The following DBF4B variants were observed in gnomAD, a reference collection of about 807,000 sequenced individuals.
DBF4B encodes the protein protein DBF4 homolog B.
In DBF4B, 49 loss-of-function variants were observed where a neutral mutation model predicts 53.4. That is an observed-to-expected ratio of 0.92 (90% confidence interval 0.73 to 1.16). The LOEUF is 1.16. Ranked by LOEUF, DBF4B falls within the 50% of genes most tolerant of loss-of-function variation. The pLI, the probability that DBF4B is intolerant of heterozygous loss-of-function variation, is 0.00. For missense variants in DBF4B, 692 were observed against 775.0 expected, an observed-to-expected ratio of 0.89 and a Z score of 1.27; for synonymous variants, 257 against 288.7, an observed-to-expected ratio of 0.89 and a Z score of 1.11.
At chr17:44,709,452 G>A (rs1972668783) in intron 2 of DBF4B, 86 bp downstream of exon 2, 2 of 1,407,306 alleles carry the variant, frequency 1.4e-6, no homozygotes, top group Non-Finnish European at 2.0e-6. Flanking sequence ...CCCCCTGTTG[G>A]AGTTTTCGAT....
intron 2 of DBF4B, among the ~76,000 whole-genome samples, chr17:44,713,034 C>CTTTTTTTTTTTTT (rs979925867): frequency 2.9e-5 from 3 of 103,900 alleles, no homozygotes; most frequent in Non-Finnish European, 5.6e-5. Context: ...TTTGTATTGA[C>CTTTTTTTTTTTTT]TTTTTTTTTT....
At chr17:44,728,121 C>T (rs375265999) in intron 3 of DBF4B, among the ~76,000 whole-genome samples, 2 of 152,096 alleles carry the variant, frequency 1.3e-5, no homozygotes, top group African/African-American at 4.8e-5. Context: ...GCTGGACGGT[C>T]ACCTGGGCTG....
intron 6 of DBF4B, chr17:44,732,962 G>C (rs1007531564): frequency 6.6e-6 from 1 of 151,768 alleles, no homozygotes; most frequent in Non-Finnish European, 1.5e-5. Flanking sequence ...TCAGGATATC[G>C]AGACCATCCT....
intron 3 of DBF4B, among the ~76,000 whole-genome samples, chr17:44,725,681 C>CTTTTTTTTTTTTTTTTTTTTTTTTT (rs1568172432): frequency 1.3e-5 from 1 of 79,096 alleles, no homozygotes; most frequent in African/African-American, 7.5e-5. Context: ...TTTTTTTGTG[C>CTTTTTTTTTTTTTTTTTTTTTTTTT]TTCTTTTTTT....
chr17:44,732,205 G>A lies in DBF4B; in HGVS notation c.496G>A (p.Gly166Ser). The change falls in exon 6 of 14, where the codon GGC becomes AGC. Residue 166 changes from glycine (G) to serine (S), a missense_variant. This residue lies in a region of DBF4B where 597 missense variants were observed against 665.8 expected (regional missense o/e 0.90). Coordinates refer to ENST00000315005, the MANE Select transcript of DBF4B (RefSeq NM_145663.3). ...QGSISGGGSG[G>S]SSSLLTNARS... ...GAGCATCAGTGGAGGAGGCAGTGGG[G>A]GCAGCAGCAGCCTCCTGACCAATGC... 3 of 1,614,150 alleles carry A rather than the reference G, an allele frequency of 1.9e-6. No individual in the cohort carries two copies. The highest frequency in any genetic ancestry group is 2.5e-6 in the Non-Finnish European group (3 of 1,180,020).
chr17:44,735,305 CTA>C (rs1448209805), intron 7 of DBF4B, among the ~76,000 whole-genome samples: 1 of 152,216 alleles, frequency 6.6e-6, no homozygotes, highest in Non-Finnish European at 1.5e-5. Context: ...TTCTAGGACT[CTA>C]TGCACATAGA....
chr17:44,732,255 G>A lies in DBF4B; in HGVS notation c.546G>A (p.Leu182=). 1 of 1,614,144 alleles carries A rather than the reference G, an allele frequency of 6.2e-7. No individual in the cohort carries two copies. The highest frequency in any genetic ancestry group is 8.5e-7 in the Non-Finnish European group (1 of 1,180,006). Residue 182 remains leucine (L), a synonymous_variant, in exon 6 of 14, where the codon CTG becomes CTA. Transcript: ENST00000315005. ...TNARSWGVRI[L]HVDEMMMHVQ... ...CCCGCTCTTGGGGAGTGAGGATTCT[G>A]CACGTGGATGGTACCCTTTCTGTGC...
intron 3 of DBF4B, among the ~76,000 whole-genome samples, chr17:44,729,384 AT>A (rs1974625232): frequency 1.3e-5 from 2 of 151,388 alleles, no homozygotes; most frequent in Admixed American, 6.6e-5. Flanking sequence ...AAAAAAAAAA[AT>A]TTTAGAGACA....
intron 1 of DBF4B, 55 bp downstream of exon 1, chr17:44,708,894 G>C (rs1054356082): frequency 1.3e-6 from 2 of 1,546,778 alleles, no homozygotes; most frequent in Non-Finnish European, 1.7e-6. Flanking sequence ...TAATAGCTGA[G>C]GCGAGGTGCG....
chr17:44,730,257 ACCT>A, intron 4 of DBF4B, among the ~76,000 whole-genome samples, 161 bp downstream of exon 4: 1 of 152,310 alleles, frequency 6.6e-6, no homozygotes, highest in South Asian at 2.1e-4. Context: ...GGATCTAAAC[ACCT>A]CAGCAACATA....
At chr17:44,731,726 G>T in intron 5 of DBF4B, 1 of 166,012 alleles carries the variant, frequency 6.0e-6, no homozygotes, top group Non-Finnish European at 1.3e-5. Flanking sequence ...GTGACATCAG[G>T]AGGGGTACAT....
At chr17:44,746,335 C>T (rs1228164472) in intron 10 of DBF4B, among the ~76,000 whole-genome samples, 1 of 151,720 alleles carries the variant, frequency 6.6e-6, no homozygotes, top group Non-Finnish European at 1.5e-5. Context: ...AGAGAAGGGA[C>T]AGACTGAACC....
rs561615300 is a variant in DBF4B, at chr17:44,741,544, T to C, written c.830+92T>C. The C allele has an allele frequency of 1.9e-4, 152 of 807,720 alleles. No homozygotes were observed. The East Asian group carries it at 3.2e-3, about 17-fold the overall frequency. 50.0% of individuals were successfully genotyped at this position (807,720 alleles called of 1,614,324 possible). A position where few individuals can be genotyped will look rare whatever the true frequency, so the allele number is the denominator to read the frequency against. ...TGCTGGTCAGATTTGGGAATGGCCA[T>C]GTGTTTGCTCCTTAGGCAAAGTCTA... On this transcript the variant is annotated intron_variant, in intron 10 of 13. Coordinates refer to ENST00000315005, the MANE Select transcript of DBF4B (RefSeq NM_145663.3).
chr17:44,720,764 C>A (rs1973757340), intron 2 of DBF4B, among the ~76,000 whole-genome samples: 2 of 152,108 alleles, frequency 1.3e-5, no homozygotes, highest in Non-Finnish European at 2.9e-5. Flanking sequence ...GAGAAACTAA[C>A]ACATGGTTTT....
At chr17:44,727,240 A>T (rs1002371630) in intron 3 of DBF4B, among the ~76,000 whole-genome samples, 1 of 151,300 alleles carries the variant, frequency 6.6e-6, no homozygotes, top group Non-Finnish European at 1.5e-5. Flanking sequence ...AACATGATGA[A>T]ACCTTGTCTC....
chr17:44,745,958 A>G (rs1244139883), intron 10 of DBF4B, among the ~76,000 whole-genome samples: 2 of 151,206 alleles, frequency 1.3e-5, no homozygotes, highest in African/African-American at 4.9e-5. Context: ...CTGTAATCCC[A>G]GCATTTTGGG....
chr17:44,725,487 A>G (rs901717562), intron 3 of DBF4B, among the ~76,000 whole-genome samples: 1 of 152,046 alleles, frequency 6.6e-6, no homozygotes, highest in African/African-American at 2.4e-5. Flanking sequence ...GGTTTTTAGT[A>G]TATTCACAGA....
At chr17:44,744,487 G>A (rs549101890) in intron 10 of DBF4B, among the ~76,000 whole-genome samples, 4 of 151,764 alleles carry the variant, frequency 2.6e-5, no homozygotes, top group East Asian at 1.9e-4. Context: ...TGTATTTACT[G>A]TATTTTATTT....
At chr17:44,714,859 AT>A (rs1466619250) in intron 2 of DBF4B, among the ~76,000 whole-genome samples, 1 of 150,950 alleles carries the variant, frequency 6.6e-6, no homozygotes, top group South Asian at 2.1e-4. Context: ...TATTATTATT[AT>A]TTTTTTTAAT....
Sources: gnomAD v4.1 joint callset for allele counts (sites outside exome capture counted in the v4.1 genomes callset) on GRCh38, gnomAD v4.1.1 for gene constraint, gnomAD v4.1.1 regional missense constraint, MANE v1.5 for transcripts, NCBI Gene and HGNC (gene_info 2026-07-23, HGNC 2026-07-21) for gene names.